SPAG16: variants seen among roughly 807,000 people sequenced by gnomAD.
SPAG16 encodes sperm associated antigen 16.
In SPAG16, 86 loss-of-function variants were observed where a neutral mutation model predicts 80.4. The observed-to-expected ratio is 1.07, with a 90% CI of 0.90 to 1.28. The LOEUF (loss-of-function observed/expected upper bound fraction) is 1.28. Ranked by LOEUF, SPAG16 falls within the 50% of genes most tolerant of loss-of-function variation. SPAG16 has a pLI of 0.00. For synonymous variants in SPAG16, 294 were observed against 265.9 expected, an observed-to-expected ratio of 1.11 and a Z score of -1.03; for missense variants, 870 against 765.3, an observed-to-expected ratio of 1.14 and a Z score of -1.61.
At chr2:213,508,612 T>C (rs2075075051) in intron 10 of SPAG16, among the ~76,000 whole-genome samples, 1 of 152,156 alleles carries the variant, frequency 6.6e-6, no homozygotes, top group Non-Finnish European at 1.5e-5. Flanking sequence ...TTCATGTCCT[T>C]TGTAGGGACA....
At chr2:213,719,054 G>C (rs10153940) in intron 10 of SPAG16, among the ~76,000 whole-genome samples, 1 of 151,740 alleles carries the variant, frequency 6.6e-6, no homozygotes, top group South Asian at 2.1e-4. Context: ...AGTGCACCAG[G>C]CGACACTCGG....
At chr2:213,917,246 C>T (rs1290938434) in intron 11 of SPAG16, among the ~76,000 whole-genome samples, 1 of 152,090 alleles carries the variant, frequency 6.6e-6, no homozygotes, top group Non-Finnish European at 1.5e-5. Context: ...TTAAGATTGC[C>T]TTAGCTATTT....
chr2:213,909,341 A>G (rs993271465), intron 11 of SPAG16, among the ~76,000 whole-genome samples: 1 of 152,178 alleles, frequency 6.6e-6, no homozygotes, highest in Admixed American at 6.5e-5. Flanking sequence ...CCATCAAGCT[A>G]CCAATGACTT....
At chr2:213,317,124 A>G in intron 4 of SPAG16, 95 bp from the exon 5 acceptor site, 1 of 673,062 alleles carries the variant, frequency 1.5e-6, no homozygotes, top group Non-Finnish European at 2.5e-6. Context: ...AATTACTATA[A>G]CACTCCCTGA....
At chr2:213,593,802 T>G (rs2060792188) in intron 10 of SPAG16, among the ~76,000 whole-genome samples, 1 of 122,278 alleles carries the variant, frequency 8.2e-6, no homozygotes, top group African/African-American at 3.1e-5. Context: ...TGGGACGGAG[T>G]CTGGCTCTGT....
chr2:214,112,838 C>G (rs759362447), intron 14 of SPAG16, among the ~76,000 whole-genome samples: 1 of 151,878 alleles, frequency 6.6e-6, no homozygotes, highest in Non-Finnish European at 1.5e-5. Context: ...GTTAATATTG[C>G]TATGTGTGAA....
At chr2:214,397,798 C>T (rs1701484269) in intron 15 of SPAG16, among the ~76,000 whole-genome samples, 1 of 152,136 alleles carries the variant, frequency 6.6e-6, no homozygotes, top group African/African-American at 2.4e-5. Context: ...TTGTTTTCTT[C>T]TCTAATGCAA....
intron 15 of SPAG16, among the ~76,000 whole-genome samples, chr2:214,234,035 C>T (rs557547175): frequency 4.0e-5 from 6 of 151,554 alleles, no homozygotes; most frequent in Non-Finnish European, 8.9e-5. Flanking sequence ...CTCCCTCCTC[C>T]CACCTGCCAC....
At chr2:213,300,235 C>T (rs187991357) in intron 3 of SPAG16, among the ~76,000 whole-genome samples, 41 of 152,244 alleles carry the variant, frequency 2.7e-4, no homozygotes, top group Admixed American at 1.3e-3. Context: ...CCTCCTGCTA[C>T]CCCTTTTCCT....
chr2:213,493,823 C>G (rs2125745052), intron 10 of SPAG16, among the ~76,000 whole-genome samples: 1 of 152,232 alleles, frequency 6.6e-6, no homozygotes, highest in East Asian at 1.9e-4. Context: ...CCGGAGAACT[C>G]CCCATCAAAC....
chr2:213,925,923 A>G (rs971394273), intron 11 of SPAG16, among the ~76,000 whole-genome samples: 1 of 152,024 alleles, frequency 6.6e-6, no homozygotes, highest in African/African-American at 2.4e-5. Flanking sequence ...ATTATTGCCA[A>G]TGCTGCTCAG....
At position 213,602,843 on chromosome 2, in the gene SPAG16, C is replaced by T. The variant is rs924920717; in HGVS notation, c.1070+112753C>T. On this transcript the variant is annotated intron_variant, in intron 10 of 15. Coordinates refer to ENST00000331683, the MANE Select transcript of SPAG16 (RefSeq NM_024532.5). ...CTTTGATCTCATTTTATTTATTTTT[C>T]CCACTTGGGTAATTGATTAAGAATG... 2.0e-5 allele frequency among the ~76,000 whole-genome samples: 3 copies of T among 152,042 alleles called. No homozygotes were observed. In the Middle Eastern group the frequency reaches 0.01, roughly 521 times the overall value.
At chr2:213,581,930 A>G (rs962619812) in intron 10 of SPAG16, among the ~76,000 whole-genome samples, 4 of 152,118 alleles carry the variant, frequency 2.6e-5, no homozygotes, top group African/African-American at 9.7e-5. Flanking sequence ...CCTTTTTTGC[A>G]GTAAGCCATT....
intron 15 of SPAG16, among the ~76,000 whole-genome samples, chr2:214,336,829 A>C (rs7577480): frequency 6.7e-6 from 1 of 150,368 alleles, no homozygotes; most frequent in Non-Finnish European, 1.5e-5. Flanking sequence ...ATATCTCTAC[A>C]AGTAAGATTT....
chr2:213,575,393 T>C (rs73988552), intron 10 of SPAG16, among the ~76,000 whole-genome samples: 13,072 of 152,156 alleles, frequency 0.086, 1,405 homozygotes, highest in African/African-American at 0.25. Flanking sequence ...AATAATAAAA[T>C]TAAAGGGTAT....
rs751101788 is a variant in SPAG16 at position 213,507,731 on chromosome 2, G to T, written c.1070+17641G>T. 6.6e-5 allele frequency among the ~76,000 whole-genome samples: 10 copies of T among 152,240 alleles called. No individual in the cohort carries two copies. The Middle Eastern group carries it at 0.01, about 155-fold the overall frequency. ...TCTGGTGCTGTTTGACTTGAGATGG[G>T]GCTAATTTGTTGACAGGATGATTCG... On this transcript the variant is annotated intron_variant, in intron 10 of 15. Transcript: ENST00000331683.
intron 10 of SPAG16, among the ~76,000 whole-genome samples, chr2:213,765,811 C>CT (rs1436963136): frequency 6.6e-6 from 1 of 152,084 alleles, no homozygotes. Context: ...TATGGTTGTG[C>CT]TGGAAGTTGA....
chr2:213,301,607 T>C (rs940503807), intron 3 of SPAG16, among the ~76,000 whole-genome samples: 1 of 152,168 alleles, frequency 6.6e-6, no homozygotes, highest in Non-Finnish European at 1.5e-5. Context: ...ACCTTAAAGC[T>C]ACCCTCTTTC....
At position 213,792,672 on chromosome 2, in the gene SPAG16, C is replaced by T. The variant is rs1362130473; in HGVS notation, c.1071-69813C>T. Among the ~76,000 whole-genome samples the T allele has an allele frequency of 2.0e-5, 3 of 149,808 alleles. No homozygotes were observed. The East Asian group carries it at 5.9e-4, about 29-fold the overall frequency. ...GATCCTGGCTCACTGCAACCTCCGCCTCCTGGGTTCAAGCGATTCTCCTGC... is the reference window on the plus strand; with the variant it reads ...GATCCTGGCTCACTGCAACCTCCGCTTCCTGGGTTCAAGCGATTCTCCTGC... On this transcript the variant is annotated intron_variant, in intron 10 of 15. Transcript: ENST00000331683.
Sources: gnomAD v4.1 joint callset for allele counts (sites outside exome capture counted in the v4.1 genomes callset) on GRCh38, gnomAD v4.1.1 for gene constraint, MANE v1.5 for transcripts, NCBI Gene and HGNC (gene_info 2026-07-23, HGNC 2026-07-21) for gene names.